ARHGAP39: variants seen among roughly 807,000 people sequenced by gnomAD.
ARHGAP39 encodes Rho GTPase activating protein 39, also known as rho GTPase-activating protein 39.
A neutral mutation model predicts 106.9 loss-of-function variants in ARHGAP39; 44 were observed. That is an observed-to-expected ratio of 0.41 (90% CI 0.32 to 0.53). ARHGAP39 has a LOEUF of 0.53. ARHGAP39 is among the 20% of genes least tolerant of loss of function. ARHGAP39 has a pLI of 0.21. For synonymous variants in ARHGAP39, 768 were observed against 693.2 expected (o/e 1.11, Z -1.69); for missense variants, 1,496 against 1,577.3 (o/e 0.95, Z 0.87).
intron 2 of ARHGAP39, among the ~76,000 whole-genome samples, chr8:144,588,202 G>A (rs1563689854): frequency 1.3e-5 from 2 of 152,318 alleles, no homozygotes; most frequent in South Asian, 4.1e-4. Context: ...CCTGGCAGGA[G>A]TGAGGGCATA....
upstream of ARHGAP39, among the ~76,000 whole-genome samples, chr8:144,688,500 G>GT (rs1452818914): frequency 6.6e-6 from 1 of 152,194 alleles, no homozygotes; most frequent in Non-Finnish European, 1.5e-5. Flanking sequence ...TAATCCCATC[G>GT]TTTTTCCAGG....
At chr8:144,616,231 T>C (rs1271115784) in intron 1 of ARHGAP39, among the ~76,000 whole-genome samples, 1 of 152,248 alleles carries the variant, frequency 6.6e-6, no homozygotes, top group Non-Finnish European at 1.5e-5. Flanking sequence ...TTAGGACGCA[T>C]GGACCTGCCT....
intron 2 of ARHGAP39, among the ~76,000 whole-genome samples, chr8:144,594,088 C>CAA (rs149748913): frequency 0.041 from 2,343 of 56,710 alleles, 41 homozygotes; most frequent in Admixed American, 0.094. Context: ...GACTCCGTCT[C>CAA]AAAAAAAAAA....
intron 1 of ARHGAP39, among the ~76,000 whole-genome samples, chr8:144,605,979 G>A (rs1300035477): frequency 7.9e-5 from 12 of 152,214 alleles, no homozygotes; most frequent in South Asian, 2.1e-4. Context: ...ACGATGGGCC[G>A]GGGCAGGCAC....
chr8:144,600,427 CGT>C (rs1563697496), intron 2 of ARHGAP39, among the ~76,000 whole-genome samples: 3 of 129,320 alleles, frequency 2.3e-5, no homozygotes, highest in Admixed American at 8.1e-5. Flanking sequence ...CCTGAGTGTG[CGT>C]GTTCGTGGAG....
intron 2 of ARHGAP39, among the ~76,000 whole-genome samples, chr8:144,583,372 AG>A (rs1430284247): frequency 1.3e-5 from 2 of 152,236 alleles, no homozygotes; most frequent in African/African-American, 4.8e-5. Context: ...AAACCGCAAC[AG>A]GAAGTGGCGC....
Position 144,679,306 on chromosome 8 carries a change from A to G in ARHGAP39, c.-82+6380T>C, listed in dbSNP as rs980480088. On this transcript the variant is annotated intron_variant, in intron 1 of 11. Coordinates refer to ENST00000377307, the MANE Select transcript of ARHGAP39 (RefSeq NM_025251.3). This position sits in a 1 kb window ranked among gnomAD's most constrained non-coding sequence, Gnocchi z 4.7. ...TTCCCCATAGGAGGCTGTACGTCAC[A>G]CCCTGCTTTGGTCCGTGGACCCTGA... Among the ~76,000 whole-genome samples the G allele has an allele frequency of 1.1e-4, 16 of 152,204 alleles. No homozygotes were observed. Among genetic ancestry groups the G allele is most frequent in the Admixed American group, 3.3e-4 (5 of 15,304 alleles).
At position 144,585,329 on chromosome 8, in the gene ARHGAP39, AG is replaced by A. The variant is rs1166116754; in HGVS notation, c.81-4053del. Among the ~76,000 whole-genome samples, 1 of 151,232 alleles carries A rather than the reference AG, an allele frequency of 6.6e-6. No homozygotes were observed. Among genetic ancestry groups the A allele is most frequent in the Non-Finnish European group, 1.5e-5 (1 of 67,798 alleles). ...CCACAGAGAACCTGAGGGGCCAGCC[AG>A]GGGTTCCCAGCACCAGCTCACCGAG... On this transcript the variant is annotated intron_variant, in intron 2 of 11. Transcript: ENST00000377307. This position sits in a 1 kb window ranked among gnomAD's most constrained non-coding sequence, Gnocchi z 4.6.
chr8:144,609,034 T>C (rs1820393119), intron 1 of ARHGAP39, among the ~76,000 whole-genome samples: 1 of 152,204 alleles, frequency 6.6e-6, no homozygotes, highest in Non-Finnish European at 1.5e-5. Flanking sequence ...CCAAACTAGA[T>C]CCTTTATTTT....
chr8:144,583,834 G>A (rs1819090208), intron 2 of ARHGAP39, among the ~76,000 whole-genome samples: 1 of 152,178 alleles, frequency 6.6e-6, no homozygotes, highest in Non-Finnish European at 1.5e-5. Context: ...CTATAAAATG[G>A]TGCATATTCC....
intron 2 of ARHGAP39, among the ~76,000 whole-genome samples, chr8:144,581,714 A>G (rs539096656): frequency 1.3e-5 from 2 of 152,324 alleles, no homozygotes; most frequent in South Asian, 4.1e-4. Flanking sequence ...GAGGGGCCTC[A>G]GGCCCAGCTA....
chr8:144,651,456 A>G (rs1247485341), intron 1 of ARHGAP39, among the ~76,000 whole-genome samples: 1 of 152,204 alleles, frequency 6.6e-6, no homozygotes. Flanking sequence ...TAATCCTAGC[A>G]TGTTGGGAGG....
chr8:144,589,746 G>C (rs1176744876), intron 2 of ARHGAP39, among the ~76,000 whole-genome samples: 3 of 152,228 alleles, frequency 2.0e-5, no homozygotes. Context: ...CACCCAAGAC[G>C]AGCTCGGAGG....
At chr8:144,576,257 T>G (rs1158044799) in intron 3 of ARHGAP39, among the ~76,000 whole-genome samples, 1 of 135,754 alleles carries the variant, frequency 7.4e-6, no homozygotes, top group Non-Finnish European at 1.5e-5. Context: ...TGCTTGAACC[T>G]GGGAGGCGGA....
rs1339699012 is a variant in ARHGAP39, at chr8:144,679,988, A to G, written c.-82+5698T>C. On this transcript the variant is annotated intron_variant, in intron 1 of 11. Transcript: ENST00000377307. The surrounding 1 kb of genome is among the most constrained non-coding windows in gnomAD (Gnocchi z 4.7). ...GAGCAAGACTCCATCTCAAAAACAA[A>G]AAGAAAATTAAAATCTAAAGCCTTT... Among the ~76,000 whole-genome samples, 1 of 152,224 alleles carries G rather than the reference A, an allele frequency of 6.6e-6. No homozygotes were observed. The highest frequency in any genetic ancestry group is 1.5e-5 in the Non-Finnish European group (1 of 68,036).
At chr8:144,688,494 C>A (rs571057157), upstream of ARHGAP39, among the ~76,000 whole-genome samples, 8 of 152,294 alleles carry the variant, frequency 5.3e-5, no homozygotes, top group East Asian at 1.4e-3. Flanking sequence ...CAGCTGTAAT[C>A]CCATCGTTTT....
chr8:144,557,641 G>A (rs1367478127), intron 3 of ARHGAP39, among the ~76,000 whole-genome samples: 1 of 151,792 alleles, frequency 6.6e-6, no homozygotes, highest in Admixed American at 6.6e-5. Context: ...CAGAGGCAAA[G>A]GCTGAACCTT....
intron 1 of ARHGAP39, among the ~76,000 whole-genome samples, chr8:144,624,556 CCGGCGGCCCGG>C (rs1820892372): frequency 9.2e-5 from 14 of 151,446 alleles, no homozygotes; most frequent in African/African-American, 3.2e-4. Flanking sequence ...ATCCCCCGTC[CCGGCGGCCCGG>C]TTCACGGAGC....
intron 4 of ARHGAP39, among the ~76,000 whole-genome samples, chr8:144,552,777 C>T (rs1192696697): frequency 2.0e-5 from 3 of 152,166 alleles, no homozygotes; most frequent in East Asian, 1.9e-4. Context: ...TGGGCCAGCT[C>T]CCTGGCTTTT....
Sources: allele counts gnomAD v4.1 joint callset (sites outside exome capture counted in the v4.1 genomes callset), GRCh38; gene constraint gnomAD v4.1.1; non-coding constraint Gnocchi (gnomAD v3.1); transcripts MANE v1.5; gene names NCBI Gene and HGNC (gene_info 2026-07-23, HGNC 2026-07-21).